The following PTPRD variants were observed in gnomAD, a reference collection of about 807,000 sequenced individuals.
The protein encoded by PTPRD is receptor-type tyrosine-protein phosphatase delta.
In PTPRD, 34 loss-of-function variants were observed where a neutral mutation model predicts 214.5. The ratio of observed to expected loss-of-function variants is 0.16; its 90% confidence interval spans 0.12 to 0.21. PTPRD has a LOEUF of 0.21. Ranked by LOEUF, PTPRD falls within the 10% of genes least tolerant of loss-of-function variation. The pLI, the probability that PTPRD is intolerant of heterozygous loss-of-function variation, is 1.00. For synonymous variants in PTPRD, 1,128 were observed against 845.7 expected, an observed-to-expected ratio of 1.33 and a Z score of -5.79; for missense variants, 2,545 against 2,398.7, an observed-to-expected ratio of 1.06 and a Z score of -1.27.
chr9:9,861,821 T>A (rs1369185675), intron 5 of PTPRD, among the ~76,000 whole-genome samples: 2 of 152,166 alleles, frequency 1.3e-5, no homozygotes, highest in East Asian at 3.9e-4. Flanking sequence ...TTTTCACAAA[T>A]AATTACATCT....
chr9:9,426,659 T>C (rs1211998604), intron 8 of PTPRD, among the ~76,000 whole-genome samples: 23 of 152,198 alleles, frequency 1.5e-4, no homozygotes, highest in Non-Finnish European at 1.5e-5. Flanking sequence ...CACCTCCCAG[T>C]AGGGGCCGAC....
chr9:9,214,718 GC>G (rs2099951009), intron 9 of PTPRD, among the ~76,000 whole-genome samples: 1 of 152,142 alleles, frequency 6.6e-6, no homozygotes, highest in South Asian at 2.1e-4. Context: ...GTTCTTCAAA[GC>G]TTTTTGCAAA....
intron 9 of PTPRD, among the ~76,000 whole-genome samples, chr9:9,282,615 A>G (rs1240877204): frequency 3.3e-5 from 5 of 151,350 alleles, no homozygotes; most frequent in African/African-American, 9.7e-5. Context: ...GATGGTATTG[A>G]TTATTTTGTA....
intron 11 of PTPRD, among the ~76,000 whole-genome samples, chr9:8,768,065 G>T (rs1261914756): frequency 1.3e-5 from 2 of 152,120 alleles, no homozygotes; most frequent in Non-Finnish European, 2.9e-5. Context: ...GAAGAACAAA[G>T]ACAGTTGTTA....
intron 8 of PTPRD, among the ~76,000 whole-genome samples, chr9:9,418,304 T>C (rs959835952): frequency 3.3e-5 from 5 of 152,032 alleles, no homozygotes; most frequent in African/African-American, 9.7e-5. Context: ...TTATTCATAG[T>C]TTCTTATGTC....
chr9:8,692,068 T>C (rs1251585547), intron 12 of PTPRD, among the ~76,000 whole-genome samples: 2 of 152,186 alleles, frequency 1.3e-5, no homozygotes, highest in Non-Finnish European at 2.9e-5. Context: ...TTCCTTCTTC[T>C]CTTTTTGATC....
At chr9:10,178,577 C>G (rs291290) in intron 3 of PTPRD, among the ~76,000 whole-genome samples, 1 of 151,802 alleles carries the variant, frequency 6.6e-6, no homozygotes, top group Non-Finnish European at 1.5e-5. Context: ...GCAAAATGTA[C>G]GTAGAAAAAG....
chr9:9,430,137 G>C (rs573471629), intron 8 of PTPRD, among the ~76,000 whole-genome samples: 2 of 152,282 alleles, frequency 1.3e-5, no homozygotes, highest in Non-Finnish European at 2.9e-5. Flanking sequence ...TGACATGATT[G>C]TATGTCTAGA....
At chr9:8,989,435 C>T (rs572858107) in intron 11 of PTPRD, among the ~76,000 whole-genome samples, 2 of 152,166 alleles carry the variant, frequency 1.3e-5, no homozygotes, top group African/African-American at 2.4e-5. Context: ...TTAGCTCCCA[C>T]ATATGAGTGA....
chr9:10,541,640 T>G (rs1256739981), intron 2 of PTPRD, among the ~76,000 whole-genome samples: 1 of 152,002 alleles, frequency 6.6e-6, no homozygotes, highest in Non-Finnish European at 1.5e-5. Flanking sequence ...TTCTTTATAT[T>G]TATTTTTTGT....
chr9:8,890,905 A>G (rs969296978), intron 11 of PTPRD, among the ~76,000 whole-genome samples: 1 of 152,188 alleles, frequency 6.6e-6, no homozygotes, highest in South Asian at 2.1e-4. Flanking sequence ...CTCAAAGAGG[A>G]AATGGGCAAA....
At chr9:8,775,814 T>C (rs1437103336) in intron 11 of PTPRD, among the ~76,000 whole-genome samples, 12 of 146,966 alleles carry the variant, frequency 8.2e-5, no homozygotes, top group Middle Eastern at 3.5e-3. Flanking sequence ...TGAGGCCAAG[T>C]CTCTCTAAAA....
chr9:9,271,429 C>T (rs939597669), intron 9 of PTPRD, among the ~76,000 whole-genome samples: 3 of 151,236 alleles, frequency 2.0e-5, no homozygotes, highest in Non-Finnish European at 3.0e-5. Flanking sequence ...CCATTTCATT[C>T]CTGTTATGTT....
At chr9:10,135,638 A>G (rs947907577) in intron 3 of PTPRD, among the ~76,000 whole-genome samples, 3 of 152,136 alleles carry the variant, frequency 2.0e-5, no homozygotes, top group African/African-American at 7.2e-5. Flanking sequence ...TAAGTTCCAC[A>G]AGTGAAGAAG....
intron 9 of PTPRD, among the ~76,000 whole-genome samples, chr9:9,371,458 A>G (rs1027197875): frequency 1.3e-5 from 2 of 152,004 alleles, no homozygotes; most frequent in African/African-American, 4.8e-5. Flanking sequence ...CGGTGGTAAT[A>G]TCCCCTTTAT....
chr9:8,707,494 T>C (rs114113921), intron 12 of PTPRD, among the ~76,000 whole-genome samples: 1,555 of 152,320 alleles, frequency 0.01, 22 homozygotes, highest in African/African-American at 0.035. Flanking sequence ...CTTGATTACA[T>C]TGTTCTTGGG....
At chr9:10,231,985 A>AGTGTGTGTGTGTGTGT (rs1424117716) in intron 3 of PTPRD, among the ~76,000 whole-genome samples, 4 of 96,260 alleles carry the variant, frequency 4.2e-5, no homozygotes, top group East Asian at 3.3e-4. Context: ...AGAGAGAGAG[A>AGTGTGTGTGTGTGTGT]GAGAGTGTGT....
At chr9:9,296,355 A>G (rs1463064692) in intron 9 of PTPRD, among the ~76,000 whole-genome samples, 1 of 151,738 alleles carries the variant, frequency 6.6e-6, no homozygotes, top group East Asian at 1.9e-4. Flanking sequence ...TTGCCTGGGT[A>G]ATTAAGAAGT....
At chr9:9,406,774 T>A (rs1001041379) in intron 8 of PTPRD, among the ~76,000 whole-genome samples, 2 of 151,374 alleles carry the variant, frequency 1.3e-5, no homozygotes, top group Non-Finnish European at 3.0e-5. Flanking sequence ...AGCAATTTTA[T>A]AGTGGAGATA....
Sources: allele counts gnomAD v4.1 joint callset (sites outside exome capture counted in the v4.1 genomes callset), GRCh38; gene constraint gnomAD v4.1.1; transcripts MANE v1.5; gene names NCBI Gene and HGNC (gene_info 2026-07-23, HGNC 2026-07-21).